Variants in NRXN3 observed in about 807,000 individuals in gnomAD.
NRXN3 encodes the protein neurexin III.
Under a neutral mutation model 137.6 loss-of-function variants are expected in NRXN3, and 32 were observed. The ratio of observed to expected loss-of-function variants is 0.23; its 90% CI spans 0.18 to 0.31. NRXN3 has a LOEUF of 0.31. Among genes scored for constraint, NRXN3 ranks in the 10% least tolerant of loss-of-function variants. The pLI, the probability that NRXN3 is intolerant of heterozygous loss-of-function variation, is 1.00. For missense variants in NRXN3, 1,574 were observed against 2,062.5 expected (o/e 0.76, Z 4.59); for synonymous variants, 798 against 784.5 (o/e 1.02, Z -0.29).
At chr14:79,558,284 T>G (rs2097451787) in intron 16 of NRXN3, among the ~76,000 whole-genome samples, 1 of 152,174 alleles carries the variant, frequency 6.6e-6, no homozygotes, top group Non-Finnish European at 1.5e-5. Context: ...TCTAGAATGG[T>G]GAATCCTTTC....
intron 15 of NRXN3, among the ~76,000 whole-genome samples, chr14:79,371,249 A>C (rs2094100489): frequency 6.6e-6 from 1 of 152,186 alleles, no homozygotes; most frequent in African/African-American, 2.4e-5. Context: ...GTTTGTAAGG[A>C]ATAAATTACT....
chr14:79,713,478 G>GTATATATATATA (rs76633474), intron 19 of NRXN3, among the ~76,000 whole-genome samples: 85 of 135,358 alleles, frequency 6.3e-4, no homozygotes, highest in African/African-American at 2.2e-3. Flanking sequence ...TATATATAAT[G>GTATATATATATA]TATATATATA....
At chr14:79,689,201 G>A (rs1286885780) in intron 17 of NRXN3, among the ~76,000 whole-genome samples, 4 of 152,000 alleles carry the variant, frequency 2.6e-5, no homozygotes. Flanking sequence ...GTACATACTT[G>A]TTGCTATATG....
intron 4 of NRXN3, among the ~76,000 whole-genome samples, chr14:78,416,682 T>A (rs956495920): frequency 6.6e-6 from 1 of 152,240 alleles, no homozygotes; most frequent in African/African-American, 2.4e-5. Context: ...CATTGGCTTT[T>A]GCTCTAGCAC....
At chr14:79,624,803 GT>G (rs1460220530) in intron 16 of NRXN3, among the ~76,000 whole-genome samples, 13 of 90,094 alleles carry the variant, frequency 1.4e-4, no homozygotes, top group African/African-American at 5.7e-4. Flanking sequence ...TTTTTTTTTT[GT>G]TTGTTTTTGT....
intron 15 of NRXN3, among the ~76,000 whole-genome samples, chr14:79,248,059 C>A (rs1367334940): frequency 6.6e-6 from 1 of 152,178 alleles, no homozygotes; most frequent in Non-Finnish European, 1.5e-5. Flanking sequence ...GCCTTGAACT[C>A]CTGGGCTCAA....
intron 16 of NRXN3, among the ~76,000 whole-genome samples, chr14:79,560,504 C>CTTTGTTTTTTTTTTT (rs2097482091): frequency 2.3e-5 from 1 of 43,770 alleles, no homozygotes; most frequent in Non-Finnish European, 4.0e-5. Context: ...AGATTGTAAG[C>CTTTGTTTTTTTTTTT]TTTTTTTTTT....
chr14:79,654,684 C>T (rs2098496725), intron 16 of NRXN3, among the ~76,000 whole-genome samples: 2 of 152,154 alleles, frequency 1.3e-5, no homozygotes, highest in South Asian at 4.1e-4. Context: ...ACCGTATTAT[C>T]TGATGACCCT....
intron 4 of NRXN3, among the ~76,000 whole-genome samples, chr14:78,499,062 A>G (rs926550582): frequency 1.3e-5 from 2 of 152,136 alleles, no homozygotes; most frequent in African/African-American, 4.8e-5. Context: ...ATTAAATGAG[A>G]TGATATATTT....
intron 10 of NRXN3, among the ~76,000 whole-genome samples, chr14:78,895,591 T>C (rs928157376): frequency 6.6e-6 from 1 of 151,952 alleles, no homozygotes; most frequent in African/African-American, 2.4e-5. Flanking sequence ...TTTAATTTCC[T>C]TCAAGAACTT....
intron 4 of NRXN3, among the ~76,000 whole-genome samples, chr14:78,585,996 G>A (rs1186391146): frequency 6.6e-6 from 1 of 152,200 alleles, no homozygotes; most frequent in Non-Finnish European, 1.5e-5. Context: ...GGGGGCCAAA[G>A]CATTGATTCT....
chr14:78,614,828 C>T (rs917100723), intron 4 of NRXN3: 6 of 378,446 alleles, frequency 1.6e-5, no homozygotes, highest in Non-Finnish European at 3.2e-5. Context: ...TGAAACAACT[C>T]TTGTGGGCCC....
intron 4 of NRXN3, among the ~76,000 whole-genome samples, chr14:78,393,622 T>A (rs1460331358): frequency 1.3e-5 from 2 of 152,072 alleles, no homozygotes; most frequent in Admixed American, 6.6e-5. Context: ...TACACATTTT[T>A]AAATAATCCT....
intron 2 of NRXN3, among the ~76,000 whole-genome samples, chr14:78,264,001 C>T (rs753768373): frequency 9.3e-5 from 14 of 151,208 alleles, no homozygotes; most frequent in African/African-American, 3.2e-4. Context: ...CTACAACTAA[C>T]GTCAGTCCCT....
At chr14:79,731,824 T>A (rs2098924412) in intron 19 of NRXN3, among the ~76,000 whole-genome samples, 1 of 148,394 alleles carries the variant, frequency 6.7e-6, no homozygotes, top group Non-Finnish European at 1.5e-5. Flanking sequence ...TTATTTTTTA[T>A]TTTTTTTTTT....
intron 4 of NRXN3, among the ~76,000 whole-genome samples, chr14:78,590,785 C>T (rs993805719): frequency 5.9e-5 from 9 of 151,982 alleles, no homozygotes; most frequent in Non-Finnish European, 8.8e-5. Context: ...TGTGGTGGCA[C>T]GTGGCTGTAA....
intron 4 of NRXN3, among the ~76,000 whole-genome samples, chr14:78,479,813 A>G (rs1357982423): frequency 6.6e-6 from 1 of 152,088 alleles, no homozygotes; most frequent in Admixed American, 6.5e-5. Flanking sequence ...TATAGATTGG[A>G]TTGCATTAGG....
intron 4 of NRXN3, among the ~76,000 whole-genome samples, chr14:78,439,508 GA>G (rs2094176289): frequency 1.3e-5 from 2 of 152,188 alleles, no homozygotes; most frequent in Admixed American, 6.5e-5. Flanking sequence ...AGCCCACAAA[GA>G]GAAGTTAATT....
intron 4 of NRXN3, among the ~76,000 whole-genome samples, chr14:78,588,934 A>C (rs1360892662): frequency 1.3e-5 from 2 of 152,240 alleles, no homozygotes; most frequent in African/African-American, 4.8e-5. Flanking sequence ...GGAGGGAAAG[A>C]CAAAAACACT....
Sources: gnomAD v4.1 joint callset for allele counts (sites outside exome capture counted in the v4.1 genomes callset) on GRCh38, gnomAD v4.1.1 for gene constraint, MANE v1.5 for transcripts, NCBI Gene and HGNC (gene_info 2026-07-23, HGNC 2026-07-21) for gene names.